CYTH3: variants seen among roughly 807,000 people sequenced by gnomAD.
CYTH3 encodes cytohesin-3.
In CYTH3, 23 loss-of-function variants were observed where a neutral mutation model predicts 55.1. The observed-to-expected ratio is 0.42, with a 90% CI of 0.30 to 0.59. CYTH3 has a LOEUF of 0.59. Among genes scored for constraint, CYTH3 ranks in the 20% least tolerant of loss-of-function variants. The probability of loss-of-function intolerance (pLI) is 0.20; values close to 1 mark genes in which losing one functional copy is unlikely to be tolerated. For missense variants in CYTH3, 413 were observed against 524.8 expected, an observed-to-expected ratio of 0.79 and a Z score of 2.08; for synonymous variants, 249 against 194.9, an observed-to-expected ratio of 1.28 and a Z score of -2.31.
chr7:6,260,299 T>C (rs1306510232), intron 1 of CYTH3, among the ~76,000 whole-genome samples: 1 of 152,184 alleles, frequency 6.6e-6, no homozygotes, highest in Non-Finnish European at 1.5e-5. Flanking sequence ...CCAAAGTTAC[T>C]TATACTAAGA....
intron 1 of CYTH3, among the ~76,000 whole-genome samples, chr7:6,191,546 G>A (rs1020298078): frequency 6.7e-5 from 10 of 149,266 alleles, no homozygotes; most frequent in African/African-American, 2.2e-4. Flanking sequence ...ATTTTTAGAA[G>A]TAAATACAGG....
At chr7:6,197,117 C>G (rs189227339) in intron 1 of CYTH3, among the ~76,000 whole-genome samples, 2 of 152,136 alleles carry the variant, frequency 1.3e-5, no homozygotes, top group Non-Finnish European at 2.9e-5. Flanking sequence ...CCTAAAATAC[C>G]TTTTAATCGG....
Position 6,205,866 on chromosome 7 carries a change from C to G in CYTH3, c.35-15335G>C, listed in dbSNP as rs566122619. On this transcript the variant is annotated intron_variant, in intron 1 of 12. Transcript: ENST00000350796. ...TCTAACCTGGGTGACAGAGCAAGGT[C>G]CTATCTCTTAAAAAAAAAAAAAAAA... 2.6e-4 allele frequency among the ~76,000 whole-genome samples: 27 copies of G among 104,582 alleles called. 1 individual carries two copies. In the South Asian group the frequency reaches 9.6e-3, roughly 37 times the overall value. 68.6% of individuals were successfully genotyped at this position (104,582 alleles called of 152,430 possible).
intron 1 of CYTH3, among the ~76,000 whole-genome samples, chr7:6,268,953 G>A (rs1780580251): frequency 6.6e-6 from 1 of 152,214 alleles, no homozygotes. Flanking sequence ...AAAGGGAGGA[G>A]GTATTTCCAA....
At chr7:6,224,137 CCTCCTGA>C (rs1779171036) in intron 1 of CYTH3, among the ~76,000 whole-genome samples, 7 of 152,126 alleles carry the variant, frequency 4.6e-5, no homozygotes, top group Admixed American at 4.6e-4. Context: ...CCTGCCTCAG[CCTCCTGA>C]GTAGCTGGGA....
chr7:6,257,895 C>G (rs1053807304), intron 1 of CYTH3, among the ~76,000 whole-genome samples: 1 of 152,108 alleles, frequency 6.6e-6, no homozygotes, highest in African/African-American at 2.4e-5. Context: ...ACAGCACCAT[C>G]TAGAATCCCG....
chr7:6,239,563 A>G (rs1233591055), intron 1 of CYTH3, among the ~76,000 whole-genome samples: 2 of 152,238 alleles, frequency 1.3e-5, no homozygotes, highest in Non-Finnish European at 2.9e-5. Context: ...AAAATTAGAA[A>G]AGAGGAGATA....
Position 6,165,620 on chromosome 7 carries a change from C to T in CYTH3, c.901-4G>A, listed in dbSNP as rs1429211858. 1 of 1,613,726 alleles carries T rather than the reference C, an allele frequency of 6.2e-7. No individual in the cohort carries two copies. The highest frequency in any genetic ancestry group is 8.5e-7 in the Non-Finnish European group (1 of 1,179,856). On this transcript the variant is annotated splice_polypyrimidine_tract_variant and splice_region_variant and intron_variant, in intron 10 of 12. Coordinates refer to ENST00000350796, the MANE Select transcript of CYTH3 (RefSeq NM_004227.4). ...TGATTCCCCTGGGCTCCTTATCCTA[C>T]AAGAGGAAAGTACACGGCGGGGCTC... is the stretch of plus-strand genomic sequence containing the variant.
rs1451607761 is a variant in CYTH3 at position 6,161,882 on chromosome 7, T to C, written c.*3062A>G. ...ACTTCACTTTACAACCAAGTATCAA[T>C]AGAGGCTGTTCCTTCATGCGAGCTG... On this transcript the variant is annotated 3_prime_UTR_variant, in exon 13 of 13. Coordinates refer to ENST00000350796, the MANE Select transcript of CYTH3 (RefSeq NM_004227.4). 3 of 152,634 alleles carry C rather than the reference T, an allele frequency of 2.0e-5. No homozygotes were observed. The highest frequency in any genetic ancestry group is 2.9e-5 in the Non-Finnish European group (2 of 68,042). The allele number at this position is 152,634 out of a possible 1,614,324, so 9.5% of individuals were successfully genotyped here.
chr7:6,259,826 ATATATATTTT>A (rs1780301020), intron 1 of CYTH3, among the ~76,000 whole-genome samples: 6 of 22,782 alleles, frequency 2.6e-4, no homozygotes, highest in South Asian at 1.4e-3. Context: ...ATATATATAT[ATATATATTTT>A]TTTTTTTTTT....
chr7:6,214,181 C>G (rs1036413590), intron 1 of CYTH3, among the ~76,000 whole-genome samples: 1 of 152,130 alleles, frequency 6.6e-6, no homozygotes, highest in East Asian at 1.9e-4. Context: ...GACGGATAAA[C>G]GGCCATGTGA....
rs866829946 is a variant in CYTH3, at chr7:6,217,975, G to T, written c.35-27444C>A. Among the ~76,000 whole-genome samples the T allele has an allele frequency of 6.6e-5, 10 of 152,212 alleles. No individual in the cohort carries two copies. In the South Asian group the frequency reaches 1.9e-3, roughly 28 times the overall value. ...AGGTGGGCAGATCACTTGAGCTCTGGAGTTCAAGTCCAGCCTGGGCAACAT... is the reference window on the plus strand; with the variant it reads ...AGGTGGGCAGATCACTTGAGCTCTGTAGTTCAAGTCCAGCCTGGGCAACAT... On this transcript the variant is annotated intron_variant, in intron 1 of 12. Coordinates refer to ENST00000350796, the MANE Select transcript of CYTH3 (RefSeq NM_004227.4).
chr7:6,215,019 C>G (rs1441669613), intron 1 of CYTH3, among the ~76,000 whole-genome samples: 1 of 151,982 alleles, frequency 6.6e-6, no homozygotes, highest in African/African-American at 2.4e-5. Flanking sequence ...TTACACAAAA[C>G]TACAGAGTTA....
chr7:6,231,278 G>C (rs1779385937), intron 1 of CYTH3, among the ~76,000 whole-genome samples: 1 of 152,250 alleles, frequency 6.6e-6, no homozygotes, highest in Admixed American at 6.5e-5. Context: ...AGAGAAAAGA[G>C]AAAAGGGACT....
chr7:6,200,614 A>G (rs1303022101), intron 1 of CYTH3, among the ~76,000 whole-genome samples: 1 of 152,178 alleles, frequency 6.6e-6, no homozygotes, highest in Non-Finnish European at 1.5e-5. Flanking sequence ...AGACTGGCCG[A>G]TTCTGCAGGA....
chr7:6,193,041 G>A (rs1272512723), intron 1 of CYTH3, among the ~76,000 whole-genome samples: 5 of 150,734 alleles, frequency 3.3e-5, no homozygotes, highest in Admixed American at 6.6e-5. Flanking sequence ...GTGTAGTGGT[G>A]GGCGCCTGTA....
At position 6,170,809 on chromosome 7, in the gene CYTH3, G is replaced by GTCCCC. The variant is rs1783163388; in HGVS notation, c.711+20_711+21insGGGGA. 6.2e-7 allele frequency: 1 copy of GTCCCC among 1,601,514 alleles called. No individual in the cohort carries two copies. The highest frequency in any genetic ancestry group is 1.7e-5 in the Admixed American group (1 of 58,576). On this transcript the variant is annotated intron_variant, in intron 8 of 12. Coordinates refer to ENST00000350796, the MANE Select transcript of CYTH3 (RefSeq NM_004227.4). This position sits in a 1 kb window ranked among gnomAD's most constrained non-coding sequence, Gnocchi z 7.8. ...CGAAGAGATCCTGCAGACGGCAGCG[G>GTCCCC]CCGCGGGCCGGGGAGCTCACCCTCA...
At chr7:6,230,526 G>A (rs902625862) in intron 1 of CYTH3, among the ~76,000 whole-genome samples, 6 of 152,142 alleles carry the variant, frequency 3.9e-5, no homozygotes, top group African/African-American at 1.4e-4. Context: ...TGTCTTAGGG[G>A]ACTGAAATTA....
rs1780295100 is a variant in CYTH3 at position 6,259,813 on chromosome 7, AATATATATATATATATATATTTT to A, written c.34+12638_34+12660del. The stretch of plus-strand genomic sequence containing the variant: ...TATATATATATATATATATATATAT[AATATATATATATATATATATTTT>A]TTTTTTTTTTTAAGACGGATTTTCG... On this transcript the variant is annotated intron_variant, in intron 1 of 12. Transcript: ENST00000350796. Among the ~76,000 whole-genome samples, 2 of 25,454 alleles carry A rather than the reference AATATATATATATATATATATTTT, an allele frequency of 7.9e-5. 1 individual carries two copies. Among genetic ancestry groups the A allele is most frequent in the Admixed American group, 1.4e-3 (2 of 1,400 alleles). 16.7% of individuals were successfully genotyped at this position (25,454 alleles called of 152,430 possible).
Sources: gnomAD v4.1 joint callset for allele counts (sites outside exome capture counted in the v4.1 genomes callset) on GRCh38, gnomAD v4.1.1 for gene constraint, Gnocchi (gnomAD v3.1) non-coding constraint, MANE v1.5 for transcripts, NCBI Gene and HGNC (gene_info 2026-07-23, HGNC 2026-07-21) for gene names.